NDUFS4: variants seen among roughly 807,000 people sequenced by gnomAD.
NDUFS4 encodes NADH:ubiquinone oxidoreductase subunit S4.
Under a neutral mutation model 24.3 loss-of-function variants are expected in NDUFS4, and 28 were observed. The ratio of observed to expected loss-of-function variants is 1.15; its 90% CI spans 0.85 to 1.58. The LOEUF (loss-of-function observed/expected upper bound fraction) is 1.58, where lower values mean the gene tolerates loss of function less well. NDUFS4 is among the 40% of genes most tolerant of loss of function. The pLI, the probability that NDUFS4 is intolerant of heterozygous loss-of-function variation, is 0.00. For missense variants in NDUFS4, 223 were observed against 207.9 expected, an observed-to-expected ratio of 1.07 and a Z score of -0.45; for synonymous variants, 93 against 69.7, an observed-to-expected ratio of 1.34 and a Z score of -1.67.
At chr5:53,641,309 A>T (rs1436569611) in intron 2 of NDUFS4, among the ~76,000 whole-genome samples, 1 of 152,026 alleles carries the variant, frequency 6.6e-6, no homozygotes, top group Non-Finnish European at 1.5e-5. Context: ...AGGATCTAGG[A>T]GTGGTAAAAA....
intron 1 of NDUFS4, among the ~76,000 whole-genome samples, chr5:53,561,052 T>C (rs1286300306): frequency 1.3e-5 from 2 of 152,196 alleles, no homozygotes; most frequent in African/African-American, 2.4e-5. Flanking sequence ...AGCTGCAAGC[T>C]GAACCTTAGC....
chr5:53,605,907 A>G (rs1237078062), intron 2 of NDUFS4, among the ~76,000 whole-genome samples: 2 of 151,318 alleles, frequency 1.3e-5, no homozygotes, highest in Non-Finnish European at 2.9e-5. Flanking sequence ...CCAGCTGCTG[A>G]GGAGGCTGAG....
At chr5:53,614,537 A>G (rs1750789278) in intron 2 of NDUFS4, among the ~76,000 whole-genome samples, 1 of 151,988 alleles carries the variant, frequency 6.6e-6, no homozygotes, top group African/African-American at 2.4e-5. Flanking sequence ...TACTTGAACA[A>G]TACTGGAGAA....
At chr5:53,599,285 T>C (rs1455104865) in intron 1 of NDUFS4, among the ~76,000 whole-genome samples, 5 of 152,174 alleles carry the variant, frequency 3.3e-5, no homozygotes, top group Non-Finnish European at 5.9e-5. Context: ...AGGTATATAC[T>C]CAGTAATGGA....
At chr5:53,674,035 A>T (rs1350628838) in intron 4 of NDUFS4, among the ~76,000 whole-genome samples, 4 of 152,310 alleles carry the variant, frequency 2.6e-5, no homozygotes, top group Admixed American at 2.0e-4. Context: ...CCCATCACAT[A>T]GGTTCGTCTC....
At chr5:53,614,979 CTG>C (rs1750800442) in intron 2 of NDUFS4, among the ~76,000 whole-genome samples, 1 of 151,808 alleles carries the variant, frequency 6.6e-6, no homozygotes, top group African/African-American at 2.4e-5. Context: ...AGTACATAAA[CTG>C]TATGTTATCT....
At chr5:53,675,397 C>G (rs913749268) in intron 4 of NDUFS4, among the ~76,000 whole-genome samples, 1 of 151,922 alleles carries the variant, frequency 6.6e-6, no homozygotes, top group Non-Finnish European at 1.5e-5. Context: ...TTCCTGACCT[C>G]GTGATCCGCC....
chr5:53,670,739 T>C (rs1014656097), intron 4 of NDUFS4, among the ~76,000 whole-genome samples: 1 of 151,332 alleles, frequency 6.6e-6, no homozygotes, highest in African/African-American at 2.4e-5. Flanking sequence ...TATTAAGAAA[T>C]ACAGTTCTAT....
At chr5:53,656,048 C>T (rs368059201) in intron 3 of NDUFS4, among the ~76,000 whole-genome samples, 1 of 152,018 alleles carries the variant, frequency 6.6e-6, no homozygotes, top group East Asian at 1.9e-4. Context: ...TCCTGGACTC[C>T]GTCTCCAGGC....
chr5:53,636,416 G>A (rs1435401265), intron 2 of NDUFS4, among the ~76,000 whole-genome samples: 2 of 152,208 alleles, frequency 1.3e-5, no homozygotes, highest in East Asian at 1.9e-4. Context: ...TTGGAGAGCT[G>A]TAGCTAGATA....
chr5:53,609,565 C>G (rs1355632629), intron 2 of NDUFS4, among the ~76,000 whole-genome samples: 1 of 152,058 alleles, frequency 6.6e-6, no homozygotes, highest in African/African-American at 2.4e-5. Flanking sequence ...CAGTGAGCAC[C>G]GGAATTGCAT....
intron 1 of NDUFS4, among the ~76,000 whole-genome samples, chr5:53,575,132 T>G (rs1749342771): frequency 6.6e-6 from 1 of 152,218 alleles, no homozygotes; most frequent in Non-Finnish European, 1.5e-5. Context: ...GAGCACTTGT[T>G]TCTTTTCTTG....
At chr5:53,618,891 ATTGCCTGAGC>A (rs1481587046) in intron 2 of NDUFS4, among the ~76,000 whole-genome samples, 2 of 151,050 alleles carry the variant, frequency 1.3e-5, no homozygotes, top group South Asian at 2.1e-4. Context: ...AGGTGGGTGG[ATTGCCTGAGC>A]TCAGGAGTTC....
At chr5:53,588,287 C>G (rs913225198) in intron 1 of NDUFS4, among the ~76,000 whole-genome samples, 3 of 152,320 alleles carry the variant, frequency 2.0e-5, no homozygotes, top group Admixed American at 6.5e-5. Flanking sequence ...GTGGGGTTCT[C>G]TTTCCTCTCT....
intron 1 of NDUFS4, among the ~76,000 whole-genome samples, chr5:53,590,592 G>A (rs180776241): frequency 1.3e-5 from 2 of 152,232 alleles, no homozygotes; most frequent in Admixed American, 6.5e-5. Context: ...ATTTTCCAAG[G>A]AGATGAGTGA....
chr5:53,680,525 T>A (rs399141), intron 4 of NDUFS4, among the ~76,000 whole-genome samples: 119,193 of 152,082 alleles, frequency 0.78, 46,835 homozygotes, highest in African/African-American at 0.83. Flanking sequence ...AAAAATGATG[T>A]TGAGTTCATG....
intron 2 of NDUFS4, among the ~76,000 whole-genome samples, chr5:53,642,942 T>A (rs1252308267): frequency 6.6e-6 from 1 of 152,134 alleles, no homozygotes; most frequent in African/African-American, 2.4e-5. Flanking sequence ...CATTGACTTA[T>A]TAGTTATCAT....
chr5:53,566,001 G>T (rs979814768), intron 1 of NDUFS4, among the ~76,000 whole-genome samples: 3 of 151,412 alleles, frequency 2.0e-5, no homozygotes, highest in Non-Finnish European at 4.4e-5. Context: ...GTGAAACCCC[G>T]TCTCCACTAA....
intron 4 of NDUFS4, among the ~76,000 whole-genome samples, chr5:53,673,593 T>C (rs1740355674): frequency 6.6e-6 from 1 of 152,174 alleles, no homozygotes; most frequent in South Asian, 2.1e-4. Context: ...AGACATTCTC[T>C]TTCTCTTTCT....
Sources: gnomAD v4.1 joint callset for allele counts (sites outside exome capture counted in the v4.1 genomes callset) on GRCh38, gnomAD v4.1.1 for gene constraint, MANE v1.5 for transcripts, NCBI Gene and HGNC (gene_info 2026-07-23, HGNC 2026-07-21) for gene names.